The following TAF3 variants were observed in gnomAD, a reference collection of about 807,000 sequenced individuals.
TAF3 encodes TATA-box binding protein associated factor 3.
TAF3 carries 7 observed loss-of-function variants against 80.6 expected under a neutral mutation model. That is an observed-to-expected ratio of 0.09 (90% CI 0.05 to 0.16). The LOEUF (loss-of-function observed/expected upper bound fraction) is 0.16. Ranked by LOEUF, TAF3 falls within the 10% of genes least tolerant of loss-of-function variation. The probability of loss-of-function intolerance (pLI) is 1.00; values close to 1 mark genes in which losing one functional copy is unlikely to be tolerated. For synonymous variants in TAF3, 444 were observed against 446.1 expected (o/e 1.00, Z 0.06); for missense variants, 921 against 1,140.2 (o/e 0.81, Z 2.77).
chr10:7,911,967 C>T (rs1034755961), intron 2 of TAF3, among the ~76,000 whole-genome samples: 1 of 152,156 alleles, frequency 6.6e-6, no homozygotes, highest in Non-Finnish European at 1.5e-5. Context: ...AAATCATGCC[C>T]AGGCTACCAC....
Position 7,845,335 on chromosome 10 carries a change from G to C in TAF3, c.409+20775G>C, listed in dbSNP as rs899614089. Among the ~76,000 whole-genome samples the C allele has an allele frequency of 8.5e-5, 13 of 152,166 alleles. 1 individual carries two copies. The highest frequency in any genetic ancestry group is 8.3e-4 in the South Asian group (4 of 4,820). ...GTGTGTGCGTGTGTGTGTGCACACGGTTCCTGCTTTAGCATAGCTTAAGTG... is the reference window on the plus strand; with the variant it reads ...GTGTGTGCGTGTGTGTGTGCACACGCTTCCTGCTTTAGCATAGCTTAAGTG... On this transcript the variant is annotated intron_variant, in intron 2 of 6. Coordinates refer to ENST00000344293, the MANE Select transcript of TAF3 (RefSeq NM_031923.4).
chr10:7,913,747 T>C (rs190453125), intron 2 of TAF3, among the ~76,000 whole-genome samples: 45 of 152,316 alleles, frequency 3.0e-4, no homozygotes, highest in Non-Finnish European at 7.3e-5. Context: ...CAGATACTTG[T>C]GCCTCTTTAG....
chr10:7,963,911 C>T lies in TAF3; in HGVS notation c.410-9C>T, dbSNP rs1288583154. On this transcript the variant is annotated splice_polypyrimidine_tract_variant and intron_variant, in intron 2 of 6. Transcript: ENST00000344293. ...TTTATTTTTTTCTTCCTTTTTCTTCCTTTACCAGAAGAAGAAGAAGAGCAG... is the reference window on the plus strand; with the variant it reads ...TTTATTTTTTTCTTCCTTTTTCTTCTTTTACCAGAAGAAGAAGAAGAGCAG... 16 of 1,531,698 alleles carry T rather than the reference C, an allele frequency of 1.0e-5. No homozygotes were observed. The highest frequency in any genetic ancestry group is 5.3e-5 in the South Asian group (4 of 74,980). The allele number at this position is 1,531,698 out of a possible 1,614,324, so 94.9% of individuals were successfully genotyped here.
intron 2 of TAF3, among the ~76,000 whole-genome samples, chr10:7,962,712 T>A (rs1244697717): frequency 6.6e-6 from 1 of 152,234 alleles, no homozygotes; most frequent in East Asian, 1.9e-4. Flanking sequence ...TCCGCATGAT[T>A]GACCTCGCTG....
At chr10:7,923,582 CA>C (rs139803422) in intron 2 of TAF3, among the ~76,000 whole-genome samples, 1 of 135,360 alleles carries the variant, frequency 7.4e-6, no homozygotes, top group African/African-American at 2.7e-5. Context: ...TGCTGTATAG[CA>C]AAAAAACAAA....
At chr10:7,996,840 C>CT (rs1234877943) in intron 4 of TAF3, among the ~76,000 whole-genome samples, 5 of 105,940 alleles carry the variant, frequency 4.7e-5, no homozygotes, top group East Asian at 2.6e-4. Context: ...CCACCACACT[C>CT]TATTTTTTTT....
chr10:7,910,415 C>G (rs1441632789), intron 2 of TAF3, among the ~76,000 whole-genome samples: 2 of 152,124 alleles, frequency 1.3e-5, no homozygotes, highest in Admixed American at 6.6e-5. Flanking sequence ...GAATCTTGCT[C>G]CATTGCCTAG....
chr10:7,894,427 C>T (rs1837487311), intron 2 of TAF3, among the ~76,000 whole-genome samples: 1 of 152,190 alleles, frequency 6.6e-6, no homozygotes, highest in Admixed American at 6.5e-5. Context: ...GAAGTTAGGT[C>T]ACTGGTGGAG....
intron 1 of TAF3, among the ~76,000 whole-genome samples, chr10:7,823,281 G>T (rs1436890531): frequency 6.6e-6 from 1 of 151,584 alleles, no homozygotes; most frequent in Non-Finnish European, 1.5e-5. Flanking sequence ...AACAACAGAG[G>T]AAATGTAACC....
chr10:7,979,221 G>A (rs1320748968), intron 4 of TAF3, among the ~76,000 whole-genome samples: 1 of 151,874 alleles, frequency 6.6e-6, no homozygotes, highest in African/African-American at 2.4e-5. Flanking sequence ...GCAGGTGCCT[G>A]TAGTCCCAGC....
chr10:7,844,649 T>C (rs2131118978), intron 2 of TAF3, among the ~76,000 whole-genome samples: 1 of 152,318 alleles, frequency 6.6e-6, no homozygotes, highest in East Asian at 1.9e-4. Context: ...GTGCTGGGAT[T>C]ACAGGCATGA....
intron 3 of TAF3, among the ~76,000 whole-genome samples, chr10:7,969,300 A>T (rs1215395632): frequency 4.6e-5 from 7 of 152,194 alleles, no homozygotes; most frequent in African/African-American, 1.7e-4. Flanking sequence ...GTCTTAAAAA[A>T]AAAAGACATG....
At chr10:7,831,777 A>G (rs1836802934) in intron 2 of TAF3, among the ~76,000 whole-genome samples, 1 of 152,204 alleles carries the variant, frequency 6.6e-6, no homozygotes, top group Non-Finnish European at 1.5e-5. Flanking sequence ...ACCTTCTGGT[A>G]TATCAAAATG....
chr10:7,867,884 G>A (rs1041425397), intron 2 of TAF3, among the ~76,000 whole-genome samples: 1 of 152,154 alleles, frequency 6.6e-6, no homozygotes, highest in African/African-American at 2.4e-5. Context: ...AATGTAAACG[G>A]TCGATTAACA....
At chr10:7,944,402 C>CG (rs1217832473) in intron 2 of TAF3, among the ~76,000 whole-genome samples, 1 of 152,132 alleles carries the variant, frequency 6.6e-6, no homozygotes, top group Non-Finnish European at 1.5e-5. Context: ...GTAAGACCAT[C>CG]AACAGACTAA....
intron 3 of TAF3, among the ~76,000 whole-genome samples, chr10:7,973,978 A>T (rs1400527107): frequency 1.3e-5 from 2 of 152,028 alleles, no homozygotes. Context: ...AAATACAAAA[A>T]GTAGCCGGGC....
intron 2 of TAF3, among the ~76,000 whole-genome samples, chr10:7,935,779 G>A (rs1186661461): frequency 6.6e-6 from 1 of 152,160 alleles, no homozygotes; most frequent in East Asian, 1.9e-4. Flanking sequence ...CAGATTCCAG[G>A]CCTTGAGGCT....
intron 4 of TAF3, among the ~76,000 whole-genome samples, chr10:8,004,594 G>A (rs1351560478): frequency 1.3e-5 from 2 of 152,066 alleles, no homozygotes; most frequent in South Asian, 2.1e-4. Context: ...GCACATTGAA[G>A]ATGTTATTCC....
rs114912883 is a variant in TAF3 at position 7,887,988 on chromosome 10, G to A, written c.409+63428G>A. 8.4e-3 allele frequency among the ~76,000 whole-genome samples: 1,273 copies of A among 152,072 alleles called. 15 individuals carry two copies. The highest frequency in any genetic ancestry group is 0.028 in the African/African-American group (1,141 of 41,448). ...CCAAGCCCTTGAATTCATATTTAAAGTGCCCCTGCCACCACCGCCATTGTG... is the reference window on the plus strand; with the variant it reads ...CCAAGCCCTTGAATTCATATTTAAAATGCCCCTGCCACCACCGCCATTGTG... On this transcript the variant is annotated intron_variant, in intron 2 of 6. Transcript: ENST00000344293.
Sources: allele counts gnomAD v4.1 joint callset (sites outside exome capture counted in the v4.1 genomes callset), GRCh38; gene constraint gnomAD v4.1.1; transcripts MANE v1.5; gene names NCBI Gene and HGNC (gene_info 2026-07-23, HGNC 2026-07-21).